The following DDX1 variants were observed in gnomAD, a reference collection of about 807,000 sequenced individuals.
DDX1 encodes the protein ATP-dependent RNA helicase DDX1.
A neutral mutation model predicts 108.7 loss-of-function variants in DDX1; 28 were observed. That is an observed-to-expected ratio of 0.26 (90% confidence interval 0.19 to 0.35). The LOEUF is 0.35. Among genes scored for constraint, DDX1 ranks in the 10% least tolerant of loss-of-function variants. DDX1 has a pLI of 1.00. For synonymous variants in DDX1, 295 were observed against 288.9 expected (o/e 1.02, Z -0.21); for missense variants, 710 against 884.5 (o/e 0.80, Z 2.50).
chr2:15,617,037 G>T (rs1407057641), intron 14 of DDX1, among the ~76,000 whole-genome samples: 1 of 151,314 alleles, frequency 6.6e-6, no homozygotes, highest in Non-Finnish European at 1.5e-5. Flanking sequence ...AATCAATTTT[G>T]GTCAAAATCT....
In DDX1 at chr2:15,603,807, A is replaced by T. The variant is rs745493947; in HGVS notation, c.476-7A>T. On this transcript the variant is annotated splice_region_variant and splice_polypyrimidine_tract_variant and intron_variant, in intron 8 of 25. Transcript: ENST00000233084. ...TACCAGAAAAGTAAAATATTTTTTAAATCTAGGTACTGACAAGTTTGGATT... is the reference window on the plus strand; with the variant it reads ...TACCAGAAAAGTAAAATATTTTTTATATCTAGGTACTGACAAGTTTGGATT... 1.3e-6 allele frequency: 2 copies of T among 1,577,766 alleles called. No homozygotes were observed. Among genetic ancestry groups the T allele is most frequent in the African/African-American group, 2.7e-5 (2 of 73,224 alleles).
At chr2:15,600,303 C>G (rs1665569833) in intron 6 of DDX1, among the ~76,000 whole-genome samples, 1 of 152,148 alleles carries the variant, frequency 6.6e-6, no homozygotes, top group Non-Finnish European at 1.5e-5. Flanking sequence ...TGTGATTGTT[C>G]CATAGTGAGC....
At chr2:15,595,331 T>C in intron 2 of DDX1, 135 bp downstream of exon 2, 7 of 942,262 alleles carry the variant, frequency 7.4e-6, no homozygotes, top group East Asian at 2.6e-5. Flanking sequence ...TTCTAAATTA[T>C]GGAAAGTTTC....
chr2:15,609,652 G>A, intron 13 of DDX1, among the ~76,000 whole-genome samples: 1 of 152,184 alleles, frequency 6.6e-6, no homozygotes, highest in East Asian at 1.9e-4. Flanking sequence ...TTGCGTATAA[G>A]CATCAATTAT....
Position 15,599,719 on chromosome 2 carries a change from A to G in DDX1, c.307+3A>G. On this transcript the variant is annotated splice_donor_region_variant and intron_variant, in intron 6 of 25. Coordinates refer to ENST00000233084, the MANE Select transcript of DDX1 (RefSeq NM_004939.3). ...ATATGACAGAGGATCTGCTTTTGGT[A>G]AGTGGATAGACTTTCCATCAGCTCA... 1.2e-6 allele frequency: 2 copies of G among 1,605,452 alleles called. No homozygotes were observed. The highest frequency in any genetic ancestry group is 1.7e-6 in the Non-Finnish European group (2 of 1,173,922).
chr2:15,624,354 A>G (rs921806699), intron 19 of DDX1, among the ~76,000 whole-genome samples: 13 of 152,306 alleles, frequency 8.5e-5, no homozygotes, highest in African/African-American at 2.9e-4. Context: ...TGCTTCTTAT[A>G]ACTTCGAGAA....
chr2:15,605,591 G>A (rs1218918519), intron 10 of DDX1, among the ~76,000 whole-genome samples: 1 of 152,162 alleles, frequency 6.6e-6, no homozygotes, highest in East Asian at 1.9e-4. Flanking sequence ...TGGATACAGT[G>A]TAAATGGAAA....
rs567721950 is a variant in DDX1 at position 15,599,639 on chromosome 2, G to A, written c.260-30G>A. 21 of 1,560,484 alleles carry A rather than the reference G, an allele frequency of 1.3e-5. No homozygotes were observed. The South Asian group carries it at 2.2e-4, about 17-fold the overall frequency. On this transcript the variant is annotated intron_variant, in intron 5 of 25. Transcript: ENST00000233084. Reference sequence around the variant, plus strand: ...AGCATTTTAAATTTTATATATCTGTGGGTAACTTTTCTTATTTTAATTTGT... The same window carrying A: ...AGCATTTTAAATTTTATATATCTGTAGGTAACTTTTCTTATTTTAATTTGT...
At chr2:15,614,952 G>A (rs560197602) in intron 14 of DDX1, among the ~76,000 whole-genome samples, 3 of 152,280 alleles carry the variant, frequency 2.0e-5, no homozygotes, top group Admixed American at 2.0e-4. Context: ...AATTAAATCT[G>A]CTTTCATCAG....
At chr2:15,625,255 G>A (rs570223085) in intron 19 of DDX1, among the ~76,000 whole-genome samples, 3 of 152,098 alleles carry the variant, frequency 2.0e-5, no homozygotes, top group African/African-American at 7.2e-5. Context: ...TAAAAAGTCA[G>A]AACTAATCTG....
At chr2:15,609,962 G>T (rs1417369017) in intron 13 of DDX1, among the ~76,000 whole-genome samples, 1 of 152,054 alleles carries the variant, frequency 6.6e-6, no homozygotes, top group Admixed American at 6.6e-5. Context: ...TTGAGATGAG[G>T]TCTCACTCTG....
rs368985586 is a variant in DDX1 at position 15,597,406 on chromosome 2, A to G, written c.194A>G (p.Tyr65Cys). The G allele has an allele frequency of 3.1e-6, 5 of 1,609,140 alleles. No homozygotes were observed. Among genetic ancestry groups the G allele is most frequent in the Middle Eastern group, 1.6e-4 (1 of 6,070 alleles). ...AFSIPVIQIV[Y>C]ETLKDQQEGK... ...AGTATTCCAGTTATCCAGATAGTTTATGAAACTCTGAAAGACCAACAGGAA... is the reference window on the plus strand; with the variant it reads ...AGTATTCCAGTTATCCAGATAGTTTGTGAAACTCTGAAAGACCAACAGGAA... Residue 65 changes from tyrosine (Y) to cysteine (C), a missense_variant, in exon 5 of 26, where the codon TAT (tyrosine) becomes TGT (cysteine). Around this residue, in one of 3 missense-constraint regions of DDX1, gnomAD observed 661 missense variants for 810.2 expected, o/e 0.82. Coordinates refer to ENST00000233084, the MANE Select transcript of DDX1 (RefSeq NM_004939.3).
Position 15,591,907 on chromosome 2 carries a change from G to C in DDX1, c.-27G>C. The C allele has an allele frequency of 6.8e-7, 1 of 1,466,314 alleles. No homozygotes were observed. The allele number at this position is 1,466,314 out of a possible 1,614,324, so 90.8% of individuals were successfully genotyped here. On this transcript the variant is annotated 5_prime_UTR_variant, in exon 1 of 26. Coordinates refer to ENST00000233084, the MANE Select transcript of DDX1 (RefSeq NM_004939.3). ...TCAGTCGGGAGGGAGGGAGCGAGCA[G>C]GCGAAGCCGCGGAGGACGGGGTGAA...
intron 15 of DDX1, among the ~76,000 whole-genome samples, chr2:15,617,688 C>G (rs1205879803): frequency 6.6e-6 from 1 of 152,056 alleles, no homozygotes; most frequent in African/African-American, 2.4e-5. Context: ...GATTTTTGCT[C>G]CAAATAACCA....
Position 15,603,390 on chromosome 2 carries a change from TG to T in DDX1, c.475+117del, listed in dbSNP as rs1401989455. The T allele has an allele frequency of 5.4e-6, 4 of 742,754 alleles. No individual in the cohort carries two copies. The African/African-American group carries it at 7.1e-5, about 13-fold the overall frequency. 46.0% of individuals were successfully genotyped at this position (742,754 alleles called of 1,614,324 possible). A position where few individuals can be genotyped will look rare whatever the true frequency, so the allele number is the denominator to read the frequency against. On this transcript the variant is annotated intron_variant, in intron 8 of 25. Coordinates refer to ENST00000233084, the MANE Select transcript of DDX1 (RefSeq NM_004939.3). The stretch of plus-strand genomic sequence containing the variant: ...ATAAAAAGGTTTTATTTTAAAGACA[TG>T]GAAACAATATTTATCTGTACCCCAC...
chr2:15,595,337 G>T lies in DDX1; in HGVS notation c.68+141G>T, dbSNP rs562601333. 5.3e-6 allele frequency: 5 copies of T among 937,608 alleles called. No homozygotes were observed. The East Asian group carries it at 1.3e-4, about 25-fold the overall frequency. 58.1% of individuals were successfully genotyped at this position (937,608 alleles called of 1,614,324 possible). On this transcript the variant is annotated intron_variant, in intron 2 of 25. Transcript: ENST00000233084. ...TTTGTGATTTTCTAAATTATGGAAA[G>T]TTTCCTTTTTTTAACCTTGACATAT...
rs766957264 is a variant in DDX1 at position 15,595,510 on chromosome 2, C to A, written c.89C>A (p.Ala30Asp). 2.5e-6 allele frequency: 4 copies of A among 1,611,172 alleles called. No homozygotes were observed. The highest frequency in any genetic ancestry group is 3.3e-5 in the Admixed American group (2 of 60,018). The stretch of plus-strand genomic sequence containing the variant: ...TTTAGCCTCCCAACTGATATCCAGG[C>A]TGAATCTATCCCATTGATCTTAGGA... ...MDWLLPTDIQAESIPLILGGG... is the reference protein window; with the variant it reads ...MDWLLPTDIQDESIPLILGGG... Residue 30 changes from alanine (A) to aspartate (D), a missense_variant, in exon 3 of 26, where the codon GCT becomes GAT. By Grantham distance (126) the Ala-to-Asp change is moderately radical (BLOSUM62 -2). Transcript: ENST00000233084.
intron 15 of DDX1, among the ~76,000 whole-genome samples, 163 bp from the exon 16 acceptor site, chr2:15,618,012 ATTATCT>A (rs1665928739): frequency 6.6e-6 from 1 of 152,224 alleles, no homozygotes; most frequent in African/African-American, 2.4e-5. Flanking sequence ...GAATTTATAA[ATTATCT>A]TTATCCAACA....
At chr2:15,623,689 G>T in intron 19 of DDX1, 107 bp downstream of exon 19, 1 of 888,970 alleles carries the variant, frequency 1.1e-6, no homozygotes. Flanking sequence ...TAAAGCAGTT[G>T]ATGGCATATT....
Sources: allele counts gnomAD v4.1 joint callset (sites outside exome capture counted in the v4.1 genomes callset), GRCh38; gene constraint gnomAD v4.1.1; regional missense constraint gnomAD v4.1.1; transcripts MANE v1.5; gene names NCBI Gene and HGNC (gene_info 2026-07-23, HGNC 2026-07-21).